Variants in DLG1 observed in about 807,000 individuals in gnomAD.
DLG1 encodes disks large homolog 1.
Under a neutral mutation model 123.4 loss-of-function variants are expected in DLG1, and 42 were observed. The observed-to-expected ratio is 0.34, with a 90% CI of 0.27 to 0.44. The LOEUF (loss-of-function observed/expected upper bound fraction) is 0.44, where lower values mean the gene tolerates loss of function less well. Among genes scored for constraint, DLG1 ranks in the 20% least tolerant of loss-of-function variants. The probability of loss-of-function intolerance (pLI) is 1.00; values close to 1 mark genes in which losing one functional copy is unlikely to be tolerated. For missense variants in DLG1, 942 were observed against 1,082.6 expected (o/e 0.87, Z 1.82); for synonymous variants, 317 against 356.2 (o/e 0.89, Z 1.24).
chr3:197,295,864 T>C (rs1777145117), intron 3 of DLG1, among the ~76,000 whole-genome samples: 1 of 152,208 alleles, frequency 6.6e-6, no homozygotes, highest in Non-Finnish European at 1.5e-5. Flanking sequence ...GCCTGTAAAA[T>C]ACGGTTACTA....
chr3:197,283,488 A>G (rs1047064243), intron 3 of DLG1, among the ~76,000 whole-genome samples: 1 of 152,238 alleles, frequency 6.6e-6, no homozygotes, highest in African/African-American at 2.4e-5. Context: ...AAGTCATGAC[A>G]AAACTCTAAA....
At chr3:197,214,867 CCACTCAAGAAGAAATG>C in intron 4 of DLG1, among the ~76,000 whole-genome samples, 1 of 152,074 alleles carries the variant, frequency 6.6e-6, no homozygotes, top group Middle Eastern at 3.2e-3. Context: ...GTTCATCCTC[CCACTCAAGAAGAAATG>C]CACATTAAAA....
intron 11 of DLG1, among the ~76,000 whole-genome samples, chr3:197,129,123 T>C (rs1195968239): frequency 2.6e-5 from 4 of 152,246 alleles, no homozygotes; most frequent in Non-Finnish European, 5.9e-5. Context: ...CACTGACTTA[T>C]CCTCTCTAGC....
chr3:197,085,655 T>C lies in DLG1; in HGVS notation c.1763A>G (p.Asp588Gly), dbSNP rs1188066407. The change falls in exon 16 of 25, where the codon GAT becomes GGT. Residue 588 changes from aspartate to glycine, a missense_variant. Coordinates refer to ENST00000667157, the MANE Select transcript of DLG1 (RefSeq NM_001366207.1). The part of the protein sequence containing the change: ...DILHVINASD[D>G]EWWQARQVTP... ...AACCTGCCTGGCTTGCCACCATTCA[T>C]CATCAGAAGCATTAATAACATGGAG... The C allele has an allele frequency of 4.3e-6, 7 of 1,613,872 alleles. No homozygotes were observed. In the Admixed American group the frequency reaches 1.2e-4, roughly 27 times the overall value.
At chr3:197,294,657 C>CAAAAAAA (rs71926647) in intron 3 of DLG1, among the ~76,000 whole-genome samples, 1 of 79,124 alleles carries the variant, frequency 1.3e-5, no homozygotes, top group Non-Finnish European at 2.4e-5. Context: ...GACTCTGCCT[C>CAAAAAAA]AAAAAAAAAA....
At chr3:197,228,614 T>G (rs552059309) in intron 4 of DLG1, among the ~76,000 whole-genome samples, 1 of 152,152 alleles carries the variant, frequency 6.6e-6, no homozygotes, top group Non-Finnish European at 1.5e-5. Context: ...ATAAAAAACA[T>G]GCATTTGATT....
At chr3:197,157,035 T>C (rs1264507214) in intron 5 of DLG1, among the ~76,000 whole-genome samples, 2 of 152,108 alleles carry the variant, frequency 1.3e-5, no homozygotes, top group East Asian at 1.9e-4. Context: ...AGAAAAACCA[T>C]ATACAAAACA....
intron 1 of DLG1, chr3:197,297,653 G>A: frequency 1.0e-6 from 1 of 993,470 alleles, no homozygotes. Flanking sequence ...GCCCTGCTCG[G>A]GCCCCCTCCT....
At chr3:197,258,558 G>A (rs1003318960) in intron 4 of DLG1, among the ~76,000 whole-genome samples, 2 of 152,326 alleles carry the variant, frequency 1.3e-5, no homozygotes, top group East Asian at 3.9e-4. Flanking sequence ...ACACAAGTGG[G>A]AGAGAGGGGA....
intron 6 of DLG1, among the ~76,000 whole-genome samples, chr3:197,147,752 T>G (rs1223403825): frequency 1.3e-5 from 2 of 151,022 alleles, no homozygotes; most frequent in African/African-American, 4.9e-5. Flanking sequence ...CACCAAAATC[T>G]CAGAAATCAC....
At chr3:197,113,647 T>C (rs542053774) in intron 13 of DLG1, among the ~76,000 whole-genome samples, 1 of 152,326 alleles carries the variant, frequency 6.6e-6, no homozygotes, top group South Asian at 2.1e-4. Flanking sequence ...AGTAAATTTC[T>C]GATAAACAGT....
intron 13 of DLG1, among the ~76,000 whole-genome samples, chr3:197,114,748 C>T (rs1427614098): frequency 5.3e-5 from 8 of 151,814 alleles, no homozygotes; most frequent in Admixed American, 3.3e-4. Context: ...TTTGGGAGGC[C>T]GAGGTGGGAG....
At chr3:197,152,762 C>CAAAAAAA (rs63446260) in intron 5 of DLG1, among the ~76,000 whole-genome samples, 3 of 52,514 alleles carry the variant, frequency 5.7e-5, no homozygotes, top group Non-Finnish European at 1.0e-4. Flanking sequence ...GACTCTGTCT[C>CAAAAAAA]AAAAAAAAAA....
chr3:197,139,143 A>G (rs944304130), intron 8 of DLG1, among the ~76,000 whole-genome samples: 1 of 152,200 alleles, frequency 6.6e-6, no homozygotes, highest in African/African-American at 2.4e-5. Flanking sequence ...TCCTAGTCTT[A>G]GCCTTTTCCC....
rs569644512 is a variant in DLG1, at chr3:197,102,824, C to T, written c.1546+2079G>A. ...AGTGAGCCGAGATTGTGCCACTGCA[C>T]TCCAGCCTGGGCAAGAGAGTGAAAC... On this transcript the variant is annotated intron_variant, in intron 14 of 24. Coordinates refer to ENST00000667157, the MANE Select transcript of DLG1 (RefSeq NM_001366207.1). 9.2e-5 allele frequency among the ~76,000 whole-genome samples: 14 copies of T among 152,318 alleles called. 1 individual carries two copies. The East Asian group carries it at 2.3e-3, about 25-fold the overall frequency.
intron 5 of DLG1, among the ~76,000 whole-genome samples, chr3:197,160,912 C>A (rs2149886466): frequency 6.6e-6 from 1 of 152,174 alleles, no homozygotes; most frequent in East Asian, 1.9e-4. Flanking sequence ...CACCAAAGAT[C>A]TTTATTATTA....
chr3:197,217,996 T>A (rs757777476), intron 4 of DLG1, among the ~76,000 whole-genome samples: 1 of 152,224 alleles, frequency 6.6e-6, no homozygotes, highest in African/African-American at 2.4e-5. Context: ...ATGTTTAGAT[T>A]CTAATTAAAA....
intron 5 of DLG1, chr3:197,183,681 T>C (rs1490408949): frequency 1.3e-6 from 2 of 1,550,574 alleles, no homozygotes; most frequent in East Asian, 2.4e-5. Flanking sequence ...AGCTTGCAGT[T>C]CATCTGACGA....
chr3:197,224,343 T>C (rs931546841), intron 4 of DLG1, among the ~76,000 whole-genome samples: 11 of 152,060 alleles, frequency 7.2e-5, no homozygotes, highest in Non-Finnish European at 1.0e-4. Flanking sequence ...TTTTGAAACA[T>C]CTTATATACA....
Sources: allele counts gnomAD v4.1 joint callset (sites outside exome capture counted in the v4.1 genomes callset), GRCh38; gene constraint gnomAD v4.1.1; transcripts MANE v1.5; gene names NCBI Gene and HGNC (gene_info 2026-07-23, HGNC 2026-07-21).